PXDN: variants seen among roughly 807,000 people sequenced by gnomAD.
PXDN encodes the protein peroxidasin homolog.
PXDN carries 77 observed loss-of-function variants against 140.3 expected under a neutral mutation model. That is an observed-to-expected ratio of 0.55 (90% CI 0.46 to 0.66). The LOEUF (loss-of-function observed/expected upper bound fraction) is 0.66. Among genes scored for constraint, PXDN ranks in the 30% least tolerant of loss-of-function variants. The pLI is 0.00. For synonymous variants in PXDN, 911 were observed against 857.4 expected (o/e 1.06, Z -1.09); for missense variants, 1,838 against 2,039.5 (o/e 0.90, Z 1.90).
At chr2:1,715,206 A>G (rs941780552) in intron 1 of PXDN, among the ~76,000 whole-genome samples, 1 of 152,072 alleles carries the variant, frequency 6.6e-6, no homozygotes, top group African/African-American at 2.4e-5. Context: ...CCCCAGAAAG[A>G]CCCTGCTCCG....
At chr2:1,690,648 CAAAA>C (rs35970382) in intron 3 of PXDN, among the ~76,000 whole-genome samples, 7 of 68,636 alleles carry the variant, frequency 1.0e-4, no homozygotes, top group Non-Finnish European at 1.9e-4. Context: ...TTCAAAATAC[CAAAA>C]AAAAAAAAAA....
chr2:1,699,022 C>T (rs541023616), intron 1 of PXDN, among the ~76,000 whole-genome samples: 51 of 151,472 alleles, frequency 3.4e-4, no homozygotes, highest in African/African-American at 1.2e-3. Flanking sequence ...AAAAATCCTA[C>T]CAGAAAAAAA....
At chr2:1,734,493 GCT>G (rs1685386389) in intron 1 of PXDN, among the ~76,000 whole-genome samples, 1 of 152,090 alleles carries the variant, frequency 6.6e-6, no homozygotes, top group Non-Finnish European at 1.5e-5. Context: ...ATATCTATTG[GCT>G]CTTCCTTTCC....
At chr2:1,634,995 G>A (rs543133069) in intron 22 of PXDN, among the ~76,000 whole-genome samples, 16 of 150,540 alleles carry the variant, frequency 1.1e-4, no homozygotes, top group Non-Finnish European at 2.2e-4. Context: ...AGCTCTGACT[G>A]GAGATGGGAC....
chr2:1,635,728 C>T (rs1682537041), intron 21 of PXDN: 5 of 569,336 alleles, frequency 8.8e-6, no homozygotes, highest in South Asian at 1.9e-5. Context: ...GACATTCCCA[C>T]CACCGTGCTG....
At chr2:1,691,071 G>A (rs571335346) in intron 3 of PXDN, among the ~76,000 whole-genome samples, 50 of 152,244 alleles carry the variant, frequency 3.3e-4, no homozygotes, top group Middle Eastern at 3.4e-3. Flanking sequence ...AAACCTGCAC[G>A]TTCTGCACAG....
chr2:1,728,696 T>C (rs1254806624), intron 1 of PXDN, among the ~76,000 whole-genome samples: 1 of 152,238 alleles, frequency 6.6e-6, no homozygotes, highest in Admixed American at 6.5e-5. Context: ...CTGGCTGTGC[T>C]GCCCTCACGA....
At chr2:1,728,240 C>T (rs1434169910) in intron 1 of PXDN, among the ~76,000 whole-genome samples, 2 of 152,214 alleles carry the variant, frequency 1.3e-5, no homozygotes, top group Admixed American at 6.5e-5. Context: ...ACCCAGCCAA[C>T]TGTCCTGTTC....
rs1229263670 is a variant in PXDN, at chr2:1,638,775, A to T, written c.4206+71T>A. The T allele has an allele frequency of 1.9e-6, 3 of 1,600,314 alleles. No homozygotes were observed. The East Asian group carries it at 6.7e-5, about 36-fold the overall frequency. Reference sequence around the variant, plus strand: ...TGCCTGGGAATAAAATGCTATACCCAGAAGGTTCGGGCAGGGCTGTGCTGC... The same window carrying T: ...TGCCTGGGAATAAAATGCTATACCCTGAAGGTTCGGGCAGGGCTGTGCTGC... On this transcript the variant is annotated intron_variant, in intron 21 of 22. Transcript: ENST00000252804.
intron 1 of PXDN, among the ~76,000 whole-genome samples, chr2:1,729,569 G>C (rs1263057671): frequency 6.7e-6 from 1 of 148,280 alleles, no homozygotes; most frequent in Non-Finnish European, 1.5e-5. Context: ...CAGGGTGGGG[G>C]AGGGGGGTGA....
At chr2:1,678,710 C>T (rs76301307) in intron 7 of PXDN, among the ~76,000 whole-genome samples, 1 of 152,222 alleles carries the variant, frequency 6.6e-6, no homozygotes, top group East Asian at 1.9e-4. Flanking sequence ...CCTGGGCCCC[C>T]CTGAGCACCG....
intron 6 of PXDN, among the ~76,000 whole-genome samples, chr2:1,682,454 C>A (rs1402601447): frequency 6.6e-6 from 1 of 152,160 alleles, no homozygotes; most frequent in Non-Finnish European, 1.5e-5. Flanking sequence ...TTAGGCTTGT[C>A]TCTTGGCATT....
chr2:1,720,965 T>C (rs1685036384), intron 1 of PXDN, among the ~76,000 whole-genome samples: 1 of 152,196 alleles, frequency 6.6e-6, no homozygotes, highest in East Asian at 1.9e-4. Context: ...AAGCCGCCTC[T>C]GCTGGTGGAA....
chr2:1,658,076 CTCTCT>C (rs1558494486), intron 14 of PXDN, among the ~76,000 whole-genome samples: 1,196 of 78,528 alleles, frequency 0.015, 258 homozygotes, highest in South Asian at 0.023. Context: ...CTCTCTCTCT[CTCTCT>C]CTCTCTCTCT....
At chr2:1,640,554 T>C (rs1456463112) in intron 19 of PXDN, among the ~76,000 whole-genome samples, 1 of 152,236 alleles carries the variant, frequency 6.6e-6, no homozygotes, top group Admixed American at 6.5e-5. Flanking sequence ...TCCCACTGAA[T>C]GTGTTTATTT....
chr2:1,646,548 G>A (rs188202855), intron 17 of PXDN, among the ~76,000 whole-genome samples: 222 of 152,218 alleles, frequency 1.5e-3, no homozygotes, highest in African/African-American at 5.0e-3. Context: ...TAATTTAAGC[G>A]CATTATTTAA....
intron 6 of PXDN, among the ~76,000 whole-genome samples, chr2:1,682,641 CT>C (rs1317651758): frequency 5.9e-5 from 9 of 152,178 alleles, no homozygotes; most frequent in African/African-American, 1.9e-4. Context: ...ATTTGGAAGC[CT>C]TAAAAAATGG....
In PXDN at chr2:1,679,680, CAT is replaced by C. The variant is rs371345651; in HGVS notation, c.730+511_730+512del. ...GTGTAAATGGTGTGTGTGGATGGCA[CAT>C]GTGTGTGGTCTGTGTCTGCATGTGT... On this transcript the variant is annotated intron_variant, in intron 7 of 22. Transcript: ENST00000252804. Among the ~76,000 whole-genome samples the C allele has an allele frequency of 5.2e-3, 609 of 117,530 alleles. 2 individuals are homozygous for C. Among genetic ancestry groups the C allele is most frequent in the African/African-American group, 0.016 (496 of 30,276 alleles). The allele number at this position is 117,530 out of a possible 152,430, so 77.1% of individuals were successfully genotyped here.
chr2:1,679,923 TG>T (rs1283107070), intron 7 of PXDN, among the ~76,000 whole-genome samples: 2 of 123,324 alleles, frequency 1.6e-5, no homozygotes, highest in Admixed American at 1.7e-4. Flanking sequence ...TGTGTGTGGA[TG>T]GTGTGTGTGT....
Sources: allele counts gnomAD v4.1 joint callset (sites outside exome capture counted in the v4.1 genomes callset), GRCh38; gene constraint gnomAD v4.1.1; transcripts MANE v1.5; gene names NCBI Gene and HGNC (gene_info 2026-07-23, HGNC 2026-07-21).